Variants in TMEM61 observed in about 807,000 individuals in gnomAD.
TMEM61 encodes the protein transmembrane protein 61.
Under a neutral mutation model 12.0 loss-of-function variants are expected in TMEM61, and 13 were observed. That is an observed-to-expected ratio of 1.08 (90% CI 0.70 to 1.72). The LOEUF (loss-of-function observed/expected upper bound fraction) is 1.72. TMEM61 is among the 40% of genes most tolerant of loss of function. The pLI is 0.00. For missense variants in TMEM61, 249 were observed against 276.9 expected, an observed-to-expected ratio of 0.90 and a Z score of 0.71; for synonymous variants, 109 against 121.4, an observed-to-expected ratio of 0.90 and a Z score of 0.67.
At chr1:54,984,439 G>A (rs548034557) in intron 1 of TMEM61, among the ~76,000 whole-genome samples, 3 of 152,314 alleles carry the variant, frequency 2.0e-5, no homozygotes, top group East Asian at 1.9e-4. Flanking sequence ...GCTGTAGAGG[G>A]GGGACCAAAG....
At position 54,986,220 on chromosome 1, in the gene TMEM61, C is replaced by G; in HGVS notation, c.139C>G (p.Pro47Ala). The part of the protein sequence containing the change: ...WWSEGDATAQ[P>A]GQLAPPTEYP... ...GAGCGAAGGGGATGCAACCGCCCAG[C>G]CTGGCCAGCTGGCCCCACCCACGGA... Residue 47 changes from proline (P) to alanine (A), a missense_variant, in exon 2 of 3, where the codon CCT (proline) becomes GCT (alanine). Pro to Ala is a conservative substitution (Grantham distance 27). Coordinates refer to ENST00000371268, the MANE Select transcript of TMEM61 (RefSeq NM_182532.3). The G allele has an allele frequency of 6.2e-7, 1 of 1,613,816 alleles. No homozygotes were observed. The highest frequency in any genetic ancestry group is 1.1e-5 in the South Asian group (1 of 91,066).
chr1:54,980,988 C>A lies in TMEM61; in HGVS notation c.-78C>A. ...TCGCCGCTGGTAGGGTCGCTCAGCC[C>A]TGGCGTCCTCCACCACCACACCTTC... On this transcript the variant is annotated 5_prime_UTR_variant, in exon 1 of 3. In the 5' UTR this introduces an upstream ATG that the reference lacks. Transcript: ENST00000371268. The A allele has an allele frequency of 6.8e-7, 1 of 1,479,568 alleles. No individual in the cohort carries two copies. Among genetic ancestry groups the A allele is most frequent in the South Asian group, 1.3e-5 (1 of 76,616 alleles). 91.7% of individuals were successfully genotyped at this position (1,479,568 alleles called of 1,614,324 possible).
At chr1:54,983,382 C>T (rs1271454850) in intron 1 of TMEM61, among the ~76,000 whole-genome samples, 1 of 152,034 alleles carries the variant, frequency 6.6e-6, no homozygotes, top group East Asian at 1.9e-4. Context: ...CTCGGCCTCC[C>T]AAAGTACTGG....
intron 1 of TMEM61, among the ~76,000 whole-genome samples, chr1:54,982,966 C>T (rs550520478): frequency 4.6e-4 from 70 of 152,050 alleles, no homozygotes; most frequent in African/African-American, 1.6e-3. Flanking sequence ...CTGGTAAATG[C>T]CCAGCCTGAT....
chr1:54,986,563 C>T (rs1570260664), intron 2 of TMEM61, 117 bp downstream of exon 2: 12 of 937,820 alleles, frequency 1.3e-5, no homozygotes, highest in Non-Finnish European at 1.9e-5. Context: ...TCCTTTGGAT[C>T]AGGCTTTGCC....
chr1:54,987,801 C>T (rs771811046), intron 2 of TMEM61, among the ~76,000 whole-genome samples: 5 of 152,188 alleles, frequency 3.3e-5, no homozygotes, highest in Admixed American at 6.5e-5. Context: ...GCCCTGGATC[C>T]CTGTGTGTGA....
At chr1:54,983,168 C>T (rs1428029322) in intron 1 of TMEM61, among the ~76,000 whole-genome samples, 3 of 131,302 alleles carry the variant, frequency 2.3e-5, no homozygotes, top group South Asian at 2.5e-4. Context: ...GGCTGGAGTG[C>T]AGTGACGCAA....
chr1:54,982,852 G>A (rs1304374320), intron 1 of TMEM61, among the ~76,000 whole-genome samples: 1 of 152,094 alleles, frequency 6.6e-6, no homozygotes, highest in East Asian at 2.0e-4. Context: ...GTCACCAATT[G>A]TGGAGAAATT....
rs1040440515 is a variant in TMEM61, at chr1:54,991,998, C to A, written c.528C>A (p.Ser176Arg). Residue 176 changes from serine to arginine, a missense_variant, in exon 3 of 3, where the codon AGC becomes AGA. Ser to Arg is a moderately radical substitution (Grantham distance 110). Coordinates refer to ENST00000371268, the MANE Select transcript of TMEM61 (RefSeq NM_182532.3). Reference sequence around the variant, plus strand: ...CCCAGCCCGCCTGGCCTCCACCCAGCTATGAGAGCATCAGCCTTGCTCTTG... The same window carrying A: ...CCCAGCCCGCCTGGCCTCCACCCAGATATGAGAGCATCAGCCTTGCTCTTG... ...LSTQPAWPPP[S>R]YESISLALDA... The A allele has an allele frequency of 6.2e-6, 10 of 1,614,062 alleles. No individual in the cohort carries two copies. The highest frequency in any genetic ancestry group is 7.6e-6 in the Non-Finnish European group (9 of 1,180,056).
chr1:54,982,332 G>A (rs567259002), intron 1 of TMEM61, among the ~76,000 whole-genome samples: 13 of 152,298 alleles, frequency 8.5e-5, no homozygotes, highest in Non-Finnish European at 1.8e-4. Flanking sequence ...GGTGGAAGGA[G>A]CACAGGTCTA....
chr1:54,986,519 CA>C, intron 2 of TMEM61, 73 bp downstream of exon 2: 1 of 1,309,844 alleles, frequency 7.6e-7, no homozygotes, highest in Non-Finnish European at 1.1e-6. Context: ...CACCAGCCAG[CA>C]TTTGTAATTC....
At chr1:54,985,212 C>CGTGTGTGTGTGT (rs1249969795) in intron 1 of TMEM61, among the ~76,000 whole-genome samples, 14 of 62,072 alleles carry the variant, frequency 2.3e-4, no homozygotes, top group African/African-American at 6.3e-4. Context: ...CCACGGTGAA[C>CGTGTGTGTGTGT]GTGTGTATGT....
intron 1 of TMEM61, among the ~76,000 whole-genome samples, chr1:54,982,316 G>A (rs1173930049): frequency 2.0e-5 from 3 of 152,178 alleles, no homozygotes; most frequent in South Asian, 2.1e-4. Flanking sequence ...AGCAGAGGGC[G>A]CTCCAGGTGG....
intron 2 of TMEM61, among the ~76,000 whole-genome samples, chr1:54,989,125 G>A (rs1007605119): frequency 2.0e-5 from 3 of 152,194 alleles, no homozygotes; most frequent in Non-Finnish European, 2.9e-5. Context: ...AGCCTCAACT[G>A]CTTATGAGGT....
intron 2 of TMEM61, among the ~76,000 whole-genome samples, chr1:54,988,340 C>T (rs942159157): frequency 6.6e-6 from 1 of 152,264 alleles, no homozygotes; most frequent in Non-Finnish European, 1.5e-5. Flanking sequence ...GGTGGGGCCC[C>T]TTGGCCTTCA....
chr1:54,984,963 C>T (rs79738084), intron 1 of TMEM61, among the ~76,000 whole-genome samples: 2,267 of 152,146 alleles, frequency 0.015, 26 homozygotes, highest in South Asian at 0.056. Flanking sequence ...TTTTTCCCCC[C>T]GTGCATTCTT....
At chr1:54,990,429 G>A (rs1644287873) in intron 2 of TMEM61, among the ~76,000 whole-genome samples, 1 of 152,150 alleles carries the variant, frequency 6.6e-6, no homozygotes, top group Non-Finnish European at 1.5e-5. Flanking sequence ...AGAAAGTCCA[G>A]GTCCCCGGTG....
intron 2 of TMEM61, among the ~76,000 whole-genome samples, chr1:54,991,526 C>G (rs1188552592): frequency 1.3e-5 from 2 of 152,216 alleles, no homozygotes; most frequent in African/African-American, 4.8e-5. Flanking sequence ...CTACCCTCAG[C>G]CCCTGGACTC....
chr1:54,981,200 G>A (rs942836299), intron 1 of TMEM61, 120 bp downstream of exon 1: 53 of 1,156,482 alleles, frequency 4.6e-5, no homozygotes, highest in Non-Finnish European at 5.7e-5. Flanking sequence ...GTGGACACCC[G>A]GGGCTCTGCC....
Sources: allele counts gnomAD v4.1 joint callset (sites outside exome capture counted in the v4.1 genomes callset), GRCh38; gene constraint gnomAD v4.1.1; transcripts MANE v1.5; gene names NCBI Gene and HGNC (gene_info 2026-07-23, HGNC 2026-07-21).